UNC13B: variants seen among roughly 807,000 people sequenced by gnomAD.
UNC13B encodes the protein protein unc-13 homolog B.
Under a neutral mutation model 211.0 loss-of-function variants are expected in UNC13B, and 144 were observed. That is an observed-to-expected ratio of 0.68 (90% CI 0.60 to 0.78). The LOEUF is 0.78. UNC13B is among the 30% of genes least tolerant of loss of function. The probability of loss-of-function intolerance (pLI) is 0.00; values close to 1 mark genes in which losing one functional copy is unlikely to be tolerated. For synonymous variants in UNC13B, 709 were observed against 725.8 expected, an observed-to-expected ratio of 0.98 and a Z score of 0.37; for missense variants, 1,777 against 2,002.0, an observed-to-expected ratio of 0.89 and a Z score of 2.14.
At chr9:35,234,110 A>G (rs1239926317) in intron 3 of UNC13B, among the ~76,000 whole-genome samples, 5 of 152,006 alleles carry the variant, frequency 3.3e-5, no homozygotes, top group Admixed American at 6.6e-5. Flanking sequence ...TCCCCAAGCA[A>G]ATTTCTTTTT....
Position 35,307,026 on chromosome 9 carries a change from A to T in UNC13B, c.7622A>T (p.Asp2541Val), listed in dbSNP as rs1001144018. ...TGGCTTCAAAATGGTTGTTCCAGAGATGCTGTAGGATCAGTACCTCCAGAA... is the reference window on the plus strand; with the variant it reads ...TGGCTTCAAAATGGTTGTTCCAGAGTTGCTGTAGGATCAGTACCTCCAGAA... The part of the protein sequence containing the change: ...TSWLQNGCSR[D>V]AVGSVPPERR... Residue 2541 changes from aspartate (D) to valine (V), a missense_variant, in exon 9 of 40, where the codon GAT (aspartate) becomes GTT (valine). Transcript: ENST00000635942. 1 of 398,948 alleles carries T rather than the reference A, an allele frequency of 2.5e-6. No homozygotes were observed. The highest frequency in any genetic ancestry group is 2.1e-5 in the African/African-American group (1 of 48,644). The allele number at this position is 398,948 out of a possible 1,614,324, so 24.7% of individuals were successfully genotyped here. A position where few individuals can be genotyped will look rare whatever the true frequency, so the allele number is the denominator to read the frequency against.
chr9:35,239,719 GC>G (rs1379627692), intron 5 of UNC13B, among the ~76,000 whole-genome samples: 1 of 152,070 alleles, frequency 6.6e-6, no homozygotes, highest in Non-Finnish European at 1.5e-5. Flanking sequence ...CATTTCAGAG[GC>G]CTCCCCTTAG....
chr9:35,381,758 C>A, intron 20 of UNC13B, 39 bp downstream of exon 20: 1 of 1,602,598 alleles, frequency 6.2e-7, no homozygotes, highest in South Asian at 1.1e-5. Context: ...GGCTACTAAT[C>A]ACTGGGGTGG....
chr9:35,170,725 GC>G (rs1287358488), intron 1 of UNC13B, among the ~76,000 whole-genome samples: 1 of 152,130 alleles, frequency 6.6e-6, no homozygotes, highest in African/African-American at 2.4e-5. Context: ...TTCTGCCTCA[GC>G]CTCCTAAAAT....
chr9:35,184,237 G>A (rs1822200222), intron 1 of UNC13B, among the ~76,000 whole-genome samples: 1 of 151,662 alleles, frequency 6.6e-6, no homozygotes, highest in Admixed American at 6.6e-5. Flanking sequence ...GGGGCGGCTG[G>A]GCAGAGGGCC....
Position 35,301,443 on chromosome 9 carries a change from CA to C in UNC13B, c.2041del (p.Arg681GlufsTer12), listed in dbSNP as rs1829678321. The C allele has an allele frequency of 7.5e-6, 3 of 398,524 alleles. No individual in the cohort carries two copies. The East Asian group carries it at 1.1e-4, about 14-fold the overall frequency. The allele number at this position is 398,524 out of a possible 1,614,324, so 24.7% of individuals were successfully genotyped here. A position where few individuals can be genotyped will look rare whatever the true frequency, so the allele number is the denominator to read the frequency against. On this transcript the variant is annotated frameshift_variant, in exon 9 of 40. Transcript: ENST00000635942. LOFTEE classifies it high-confidence loss of function. ...AAAGATGATGACCAGAGTAAGCCACCAAGAAAAGAAAGCTTTGTTGAGTGTG... is the reference window on the plus strand; with the variant it reads ...AAAGATGATGACCAGAGTAAGCCACCAGAAAAGAAAGCTTTGTTGAGTGTG... ...TKKDDDQSKP[P>X]RKESFVECGL...
chr9:35,207,111 T>G (rs908913727), intron 1 of UNC13B, among the ~76,000 whole-genome samples: 1 of 152,206 alleles, frequency 6.6e-6, no homozygotes, highest in Non-Finnish European at 1.5e-5. Context: ...GGTTCCACCT[T>G]TTCCACATTC....
At chr9:35,380,679 A>G (rs1232058123) in intron 18 of UNC13B, 40 bp downstream of exon 18, 1 of 1,612,868 alleles carries the variant, frequency 6.2e-7, no homozygotes, top group African/African-American at 1.3e-5. Context: ...TGGAAGGGAA[A>G]GCATGAAGGG....
chr9:35,242,931 G>C lies in UNC13B; in HGVS notation c.395-360G>C, dbSNP rs557352630. ...TTAAGCTAATCCTTTGGATGGTTTTGGTCTTGCTGAGGGGAAGGTAGTATG... is the reference window on the plus strand; with the variant it reads ...TTAAGCTAATCCTTTGGATGGTTTTCGTCTTGCTGAGGGGAAGGTAGTATG... On this transcript the variant is annotated intron_variant, in intron 5 of 39. Transcript: ENST00000635942. Among the ~76,000 whole-genome samples, 8 of 152,218 alleles carry C rather than the reference G, an allele frequency of 5.3e-5. No homozygotes were observed. The South Asian group carries it at 1.7e-3, about 32-fold the overall frequency.
At chr9:35,238,940 A>G (rs544350766) in intron 5 of UNC13B, among the ~76,000 whole-genome samples, 39 of 150,442 alleles carry the variant, frequency 2.6e-4, no homozygotes, top group African/African-American at 9.5e-4. Flanking sequence ...TATATACCGC[A>G]AACTAATAAC....
chr9:35,173,934 A>G (rs1821469631), intron 1 of UNC13B, among the ~76,000 whole-genome samples: 1 of 152,144 alleles, frequency 6.6e-6, no homozygotes, highest in African/African-American at 2.4e-5. Flanking sequence ...TAAAATTCAT[A>G]TATTTGTTAG....
At position 35,381,111 on chromosome 9, in the gene UNC13B, G is replaced by T; in HGVS notation, c.10387G>T (p.Asp3463Tyr). The change falls in exon 19 of 40, where the codon GAC (aspartate) becomes TAC (tyrosine). Residue 3463 changes from aspartate (D) to tyrosine (Y), a missense_variant. Asp to Tyr is a radical substitution (Grantham distance 160). Transcript: ENST00000635942. ...DVWYNLEKRT[D>Y]KSAVSGAIRL... The stretch of plus-strand genomic sequence containing the variant: ...TCTTTCCTTCCTAGAGAAGAGGACA[G>T]ACAAATCAGCCGTCTCAGGGGCTAT... 6.2e-7 allele frequency: 1 copy of T among 1,614,076 alleles called. No homozygotes were observed. Among genetic ancestry groups the T allele is most frequent in the Non-Finnish European group, 8.5e-7 (1 of 1,179,968 alleles).
intron 7 of UNC13B, among the ~76,000 whole-genome samples, chr9:35,288,476 G>A (rs533925274): frequency 2.6e-5 from 4 of 152,182 alleles, no homozygotes; most frequent in African/African-American, 7.2e-5. Context: ...CCTTTTCCTG[G>A]GACATTTTCC....
chr9:35,397,563 C>A, intron 29 of UNC13B, 72 bp from the exon 30 acceptor site: 1 of 1,505,002 alleles, frequency 6.6e-7, no homozygotes, highest in Non-Finnish European at 9.1e-7. Flanking sequence ...ATGAGAAGTG[C>A]CACCTCAGGC....
chr9:35,210,968 C>G (rs1026682491), intron 1 of UNC13B, among the ~76,000 whole-genome samples: 2 of 152,062 alleles, frequency 1.3e-5, no homozygotes, highest in African/African-American at 4.8e-5. Flanking sequence ...CTCCTGGGCT[C>G]AATGAATCCT....
At chr9:35,258,682 A>G (rs1827081505) in intron 6 of UNC13B, among the ~76,000 whole-genome samples, 1 of 152,226 alleles carries the variant, frequency 6.6e-6, no homozygotes, top group Non-Finnish European at 1.5e-5. Flanking sequence ...AAATATTCTA[A>G]GGATTCTAAG....
At chr9:35,284,054 G>C (rs1175575145) in intron 7 of UNC13B, among the ~76,000 whole-genome samples, 1 of 152,172 alleles carries the variant, frequency 6.6e-6, no homozygotes, top group African/African-American at 2.4e-5. Flanking sequence ...GAGGTCAGGA[G>C]TTTGAGACAA....
At chr9:35,215,121 A>T (rs575495869) in intron 1 of UNC13B, among the ~76,000 whole-genome samples, 41 of 152,312 alleles carry the variant, frequency 2.7e-4, no homozygotes, top group Non-Finnish European at 5.1e-4. Flanking sequence ...AATGTAAATA[A>T]ATATACTTTA....
Position 35,303,435 on chromosome 9 carries a change from A to AT in UNC13B, c.4032dup (p.Gln1345SerfsTer4). On this transcript the variant is annotated frameshift_variant, in exon 9 of 40. Coordinates refer to ENST00000635942, the MANE Select transcript of UNC13B (RefSeq NM_001371189.2). LOFTEE classifies it high-confidence loss of function. ...AACATTCTCAATAAATCAAACAACTATCAGGCTTTTGAAGAGATGAACAGT... is the reference window on the plus strand; with the variant it reads ...AACATTCTCAATAAATCAAACAACTATTCAGGCTTTTGAAGAGATGAACAGT... The AT allele has an allele frequency of 2.5e-6, 1 of 398,802 alleles. No individual in the cohort carries two copies. Among genetic ancestry groups the AT allele is most frequent in the Admixed American group, 4.4e-5 (1 of 22,732 alleles). 24.7% of individuals were successfully genotyped at this position (398,802 alleles called of 1,614,324 possible).
Sources: allele counts gnomAD v4.1 joint callset (sites outside exome capture counted in the v4.1 genomes callset), GRCh38; gene constraint gnomAD v4.1.1; transcripts MANE v1.5; gene names NCBI Gene and HGNC (gene_info 2026-07-23, HGNC 2026-07-21).